TMEM51: variants seen among roughly 807,000 people sequenced by gnomAD.
TMEM51 encodes transmembrane protein 51, also known as chromosome 1 open reading frame 72.
TMEM51 carries 8 observed loss-of-function variants against 13.6 expected under a neutral mutation model. The observed-to-expected ratio is 0.59, with a 90% CI of 0.35 to 1.07. TMEM51 has a LOEUF of 1.07. Ranked by LOEUF, TMEM51 falls within the 50% of genes least tolerant of loss-of-function variation. The pLI is 0.02. For missense variants in TMEM51, 279 were observed against 330.7 expected, an observed-to-expected ratio of 0.84 and a Z score of 1.21; for synonymous variants, 147 against 144.4, an observed-to-expected ratio of 1.02 and a Z score of -0.13.
intron 1 of TMEM51, chr1:15,164,465 C>T (rs1204987897): frequency 4.4e-6 from 2 of 455,920 alleles, no homozygotes; most frequent in African/African-American, 4.0e-5. Flanking sequence ...AAGAATCCTA[C>T]AAAGGTGAAG....
At chr1:15,216,269 T>C (rs934210906) in intron 3 of TMEM51, among the ~76,000 whole-genome samples, 1 of 152,142 alleles carries the variant, frequency 6.6e-6, no homozygotes, top group Non-Finnish European at 1.5e-5. Context: ...ATTTAAAAGA[T>C]AAGTGATACA....
chr1:15,157,374 G>A lies in TMEM51; in HGVS notation c.-267+3420G>A, dbSNP rs141318746. ...GCGTAGCTTCAGATCTTAGAATATC[G>A]GGGCCAGAGGGATCTTAGCCATCAG... On this transcript the variant is annotated intron_variant, in intron 1 of 3. Transcript: ENST00000376008. Among the ~76,000 whole-genome samples, 17 of 152,222 alleles carry A rather than the reference G, an allele frequency of 1.1e-4. No homozygotes were observed. In the East Asian group the frequency reaches 2.7e-3, roughly 24 times the overall value.
intron 1 of TMEM51, among the ~76,000 whole-genome samples, chr1:15,156,643 A>G (rs928623560): frequency 2.0e-5 from 3 of 152,204 alleles, no homozygotes; most frequent in Non-Finnish European, 4.4e-5. Context: ...TCCATGCTTC[A>G]AGTCTCCCTT....
At chr1:15,171,432 A>G (rs548483808) in intron 1 of TMEM51, 2 of 876,692 alleles carry the variant, frequency 2.3e-6, no homozygotes, top group Admixed American at 3.3e-5. Flanking sequence ...GGCCCTGGGT[A>G]CACGGGCAAA....
intron 1 of TMEM51, among the ~76,000 whole-genome samples, chr1:15,185,073 C>T (rs945152205): frequency 6.6e-6 from 1 of 151,590 alleles, no homozygotes; most frequent in African/African-American, 2.4e-5. Context: ...AAGATAACTA[C>T]TGTTCCCAGT....
intron 1 of TMEM51, among the ~76,000 whole-genome samples, chr1:15,175,183 T>C (rs1287543779): frequency 6.6e-6 from 1 of 152,138 alleles, no homozygotes; most frequent in Non-Finnish European, 1.5e-5. Flanking sequence ...GTGGATTATC[T>C]GAGGTCAGGA....
At chr1:15,172,618 A>T (rs905227456) in intron 1 of TMEM51, among the ~76,000 whole-genome samples, 1 of 152,206 alleles carries the variant, frequency 6.6e-6, no homozygotes, top group Non-Finnish European at 1.5e-5. Context: ...TGAGCAAGTG[A>T]CTTAACCCTT....
intron 1 of TMEM51, among the ~76,000 whole-genome samples, chr1:15,188,826 C>T (rs1643862658): frequency 6.6e-6 from 1 of 152,206 alleles, no homozygotes; most frequent in Non-Finnish European, 1.5e-5. Flanking sequence ...TCTCTTCCTT[C>T]CTCTTACAGC....
chr1:15,154,571 A>G (rs554270617), intron 1 of TMEM51, among the ~76,000 whole-genome samples: 288 of 152,166 alleles, frequency 1.9e-3, no homozygotes, highest in African/African-American at 5.9e-3. Flanking sequence ...ATTCATGCCC[A>G]GCACCCAGCA....
intron 3 of TMEM51, among the ~76,000 whole-genome samples, chr1:15,217,683 G>A (rs896648346): frequency 2.6e-5 from 4 of 152,124 alleles, no homozygotes; most frequent in Non-Finnish European, 5.9e-5. Flanking sequence ...GAAATGAGAT[G>A]TCCCAGCTCA....
intron 1 of TMEM51, among the ~76,000 whole-genome samples, chr1:15,188,811 T>C (rs1286808918): frequency 6.6e-6 from 1 of 152,184 alleles, no homozygotes; most frequent in Non-Finnish European, 1.5e-5. Context: ...GCCTGTGACC[T>C]CAACTCTCTT....
chr1:15,155,238 T>C (rs1366158518), intron 1 of TMEM51, among the ~76,000 whole-genome samples: 1 of 146,684 alleles, frequency 6.8e-6, no homozygotes, highest in Non-Finnish European at 1.5e-5. Context: ...AGCTCTCTGA[T>C]GGGGTGTCTG....
intron 1 of TMEM51, chr1:15,191,867 A>G: frequency 4.7e-6 from 2 of 429,360 alleles, no homozygotes; most frequent in Non-Finnish European, 9.2e-6. Flanking sequence ...AAGCTACAGT[A>G]ATTGACTTAC....
intron 1 of TMEM51, among the ~76,000 whole-genome samples, chr1:15,163,932 G>A (rs1310094456): frequency 3.3e-5 from 5 of 151,540 alleles, no homozygotes; most frequent in Non-Finnish European, 7.4e-5. Flanking sequence ...GGGGTCAAGT[G>A]ATTCTCCTGC....
chr1:15,200,597 T>C (rs1644137526), intron 1 of TMEM51, among the ~76,000 whole-genome samples: 1 of 151,668 alleles, frequency 6.6e-6, no homozygotes, highest in Admixed American at 6.6e-5. Context: ...TGTGAAAAAA[T>C]AGATTTCTGT....
intron 1 of TMEM51, among the ~76,000 whole-genome samples, chr1:15,186,449 CT>C (rs1326953195): frequency 6.6e-6 from 1 of 152,156 alleles, no homozygotes; most frequent in African/African-American, 2.4e-5. Context: ...ATGTTTGTGA[CT>C]TGCCCCTGAA....
At chr1:15,154,116 A>T (rs7520111) in intron 1 of TMEM51, among the ~76,000 whole-genome samples, 162 bp downstream of exon 1, 118,119 of 151,640 alleles carry the variant, frequency 0.78, 46,118 homozygotes, top group East Asian at 0.94. Context: ...AGGACTCCGC[A>T]CCCCGCACCC....
intron 1 of TMEM51, among the ~76,000 whole-genome samples, chr1:15,174,352 C>G (rs1374596052): frequency 6.6e-6 from 1 of 152,220 alleles, no homozygotes; most frequent in Admixed American, 6.5e-5. Context: ...AAGCAAACCT[C>G]CCACCTCAGC....
chr1:15,168,151 G>C (rs1196365469), intron 1 of TMEM51, among the ~76,000 whole-genome samples: 1 of 152,208 alleles, frequency 6.6e-6, no homozygotes, highest in East Asian at 1.9e-4. Flanking sequence ...AAGTATTATA[G>C]TGGTCAGGAT....
Sources: allele counts gnomAD v4.1 joint callset (sites outside exome capture counted in the v4.1 genomes callset), GRCh38; gene constraint gnomAD v4.1.1; transcripts MANE v1.5; gene names NCBI Gene and HGNC (gene_info 2026-07-23, HGNC 2026-07-21).